Variants in NFXL1 observed in about 807,000 individuals in gnomAD.
NFXL1 encodes NF-X1-type zinc finger protein NFXL1.
In NFXL1, 66 loss-of-function variants were observed where a neutral mutation model predicts 123.3. That is an observed-to-expected ratio of 0.54 (90% CI 0.44 to 0.66). The LOEUF (loss-of-function observed/expected upper bound fraction) is 0.66, where lower values mean the gene tolerates loss of function less well. Among genes scored for constraint, NFXL1 ranks in the 30% least tolerant of loss-of-function variants. The probability of loss-of-function intolerance (pLI) is 0.00; values close to 1 mark genes in which losing one functional copy is unlikely to be tolerated. For synonymous variants in NFXL1, 346 were observed against 360.8 expected, an observed-to-expected ratio of 0.96 and a Z score of 0.46; for missense variants, 944 against 1,125.6, an observed-to-expected ratio of 0.84 and a Z score of 2.31.
At chr4:47,856,082 G>C (rs920462) in intron 19 of NFXL1, among the ~76,000 whole-genome samples, 21 of 151,954 alleles carry the variant, frequency 1.4e-4, no homozygotes, top group African/African-American at 4.3e-4. Context: ...ATATATTTCT[G>C]TCTCTCCAAC....
intron 4 of NFXL1, among the ~76,000 whole-genome samples, chr4:47,903,552 T>A (rs1737437758): frequency 1.3e-5 from 2 of 152,256 alleles, no homozygotes; most frequent in Non-Finnish European, 2.9e-5. Flanking sequence ...CAGCTAGAAA[T>A]AATTACTGCT....
chr4:47,888,099 C>G (rs1376531291), intron 12 of NFXL1, among the ~76,000 whole-genome samples: 1 of 152,094 alleles, frequency 6.6e-6, no homozygotes, highest in Non-Finnish European at 1.5e-5. Flanking sequence ...CATGGTGAAA[C>G]CCCGGCTCTA....
chr4:47,852,551 TA>T (rs1264497681), intron 20 of NFXL1, among the ~76,000 whole-genome samples: 9 of 152,162 alleles, frequency 5.9e-5, no homozygotes, highest in Admixed American at 5.9e-4. Context: ...TCTCGACTGT[TA>T]AACTTTTTTT....
Position 47,910,824 on chromosome 4 carries a change from CT to C in NFXL1, c.405del (p.Asp136MetfsTer7). 1 of 1,547,814 alleles carries C rather than the reference CT, an allele frequency of 6.5e-7. No individual in the cohort carries two copies. Among genetic ancestry groups the C allele is most frequent in the Non-Finnish European group, 8.7e-7 (1 of 1,151,682 alleles). ...AAGTCAAAATTTAAAAGATCAGTAC[CT>C]GTCTGAGTAGTGTATGTTATAAACG... ...ANTFITYTTQ[T>X]DGDTRELERT... On this transcript the variant is annotated frameshift_variant and splice_region_variant, in exon 3 of 23. Coordinates refer to ENST00000507489, the MANE Select transcript of NFXL1 (RefSeq NM_001278624.2). LOFTEE classifies it high-confidence loss of function.
rs1358662883 is a variant in NFXL1 at position 47,896,637 on chromosome 4, C to T, written c.1215G>A (p.Leu405=). The T allele has an allele frequency of 6.2e-7, 1 of 1,606,418 alleles. No homozygotes were observed. The highest frequency in any genetic ancestry group is 1.7e-5 in the Admixed American group (1 of 59,806). ...AAGTTGGTACATCTTCTGTACAAGG[C>T]AAAGAAAACTCTAAAAACATACAAA... ...FCPCQKSKFS[L]PCTEDVPTCG... The change falls in exon 10 of 23, where the codon TTG becomes TTA. Residue 405 remains leucine, a synonymous_variant. Transcript: ENST00000507489.
intron 4 of NFXL1, among the ~76,000 whole-genome samples, chr4:47,904,665 G>A (rs142061270): frequency 4.7e-4 from 72 of 152,300 alleles, no homozygotes; most frequent in Admixed American, 1.2e-3. Context: ...TCTAAATGTT[G>A]AGTCTTTCAC....
At chr4:47,903,782 T>C (rs1261033911) in intron 4 of NFXL1, among the ~76,000 whole-genome samples, 1 of 152,170 alleles carries the variant, frequency 6.6e-6, no homozygotes, top group Non-Finnish European at 1.5e-5. Flanking sequence ...AACATAAATA[T>C]GTACATATAT....
chr4:47,882,888 A>T (rs1245106442), intron 15 of NFXL1, among the ~76,000 whole-genome samples: 1 of 152,206 alleles, frequency 6.6e-6, no homozygotes, highest in Non-Finnish European at 1.5e-5. Flanking sequence ...CTTTACTCCA[A>T]GTAAAAAGAC....
chr4:47,879,052 GTA>G, intron 16 of NFXL1, 42 bp downstream of exon 16: 1 of 1,151,074 alleles, frequency 8.7e-7, no homozygotes, highest in Non-Finnish European at 1.2e-6. Context: ...GTATGTAACA[GTA>G]TAGATTATAA....
At chr4:47,898,687 G>T in intron 8 of NFXL1, 70 bp downstream of exon 8, 1 of 1,004,130 alleles carries the variant, frequency 1.0e-6, no homozygotes, top group Non-Finnish European at 1.6e-6. Context: ...GATTAGCCTT[G>T]CTGCTTTCTA....
At chr4:47,856,831 C>T (rs1734441049) in intron 19 of NFXL1, among the ~76,000 whole-genome samples, 1 of 152,132 alleles carries the variant, frequency 6.6e-6, no homozygotes, top group African/African-American at 2.4e-5. Context: ...CTGAATACTA[C>T]TTAATAAGCT....
At chr4:47,851,023 A>G (rs1734087473) in intron 22 of NFXL1, 72 bp downstream of exon 22, 1 of 1,122,714 alleles carries the variant, frequency 8.9e-7, no homozygotes, top group Admixed American at 1.7e-5. Flanking sequence ...TGACCTTGGA[A>G]TATACCCCGT....
At chr4:47,899,178 A>G in intron 6 of NFXL1, 58 bp from the exon 7 acceptor site, 7 of 1,476,274 alleles carry the variant, frequency 4.7e-6, no homozygotes, top group Non-Finnish European at 6.3e-6. Context: ...TCAGAAACTA[A>G]AACTTTCAAT....
At chr4:47,890,068 C>A (rs994790482) in intron 12 of NFXL1, among the ~76,000 whole-genome samples, 3 of 151,604 alleles carry the variant, frequency 2.0e-5, no homozygotes, top group African/African-American at 7.3e-5. Flanking sequence ...AATATTATTA[C>A]ATTTTATTTT....
At chr4:47,905,028 T>C (rs570545142) in intron 4 of NFXL1, among the ~76,000 whole-genome samples, 1 of 152,326 alleles carries the variant, frequency 6.6e-6, no homozygotes, top group East Asian at 1.9e-4. Context: ...CTAAGTTATA[T>C]CAATAGTGCT....
intron 12 of NFXL1, among the ~76,000 whole-genome samples, chr4:47,888,664 A>G (rs1736595310): frequency 6.6e-6 from 1 of 152,218 alleles, no homozygotes; most frequent in Non-Finnish European, 1.5e-5. Context: ...AACATGTTAA[A>G]TAATACCACA....
chr4:47,872,633 C>A (rs954513986), intron 18 of NFXL1, among the ~76,000 whole-genome samples: 13 of 152,142 alleles, frequency 8.5e-5, no homozygotes, highest in Non-Finnish European at 8.8e-5. Flanking sequence ...TTACACAATA[C>A]TGCAATATAC....
At chr4:47,912,256 G>C (rs886881767) in intron 2 of NFXL1, among the ~76,000 whole-genome samples, 3 of 152,006 alleles carry the variant, frequency 2.0e-5, no homozygotes, top group East Asian at 1.9e-4. Flanking sequence ...ATTAATATAC[G>C]GGAAATTAGC....
Position 47,911,169 on chromosome 4 carries a change from T to C in NFXL1, c.236-175A>G, listed in dbSNP as rs180959314. Among the ~76,000 whole-genome samples, 43 of 152,254 alleles carry C rather than the reference T, an allele frequency of 2.8e-4. No homozygotes were observed. In the East Asian group the frequency reaches 5.8e-3, roughly 20 times the overall value. On this transcript the variant is annotated intron_variant, in intron 2 of 22. Transcript: ENST00000507489. Reference sequence around the variant, plus strand: ...TTCCTTGACACACAACTAAAGAGAATACCACAACAAAAACTTTCACTTTTC... The same window carrying C: ...TTCCTTGACACACAACTAAAGAGAACACCACAACAAAAACTTTCACTTTTC...
Sources: allele counts gnomAD v4.1 joint callset (sites outside exome capture counted in the v4.1 genomes callset), GRCh38; gene constraint gnomAD v4.1.1; transcripts MANE v1.5; gene names NCBI Gene and HGNC (gene_info 2026-07-23, HGNC 2026-07-21).